The following GRM5 variants were observed in gnomAD, a reference collection of about 807,000 sequenced individuals.
GRM5 encodes metabotropic glutamate receptor 5.
A neutral mutation model predicts 83.1 loss-of-function variants in GRM5; 19 were observed. That is an observed-to-expected ratio of 0.23 (90% CI 0.16 to 0.34). The LOEUF (loss-of-function observed/expected upper bound fraction) is 0.34, where lower values mean the gene tolerates loss of function less well. Ranked by LOEUF, GRM5 falls within the 10% of genes least tolerant of loss-of-function variation. The pLI, the probability that GRM5 is intolerant of heterozygous loss-of-function variation, is 1.00. For synonymous variants in GRM5, 675 were observed against 633.6 expected, an observed-to-expected ratio of 1.07 and a Z score of -0.98; for missense variants, 1,160 against 1,588.3, an observed-to-expected ratio of 0.73 and a Z score of 4.58.
At chr11:89,052,896 A>T (rs1362985246) in intron 1 of GRM5, among the ~76,000 whole-genome samples, 1 of 152,178 alleles carries the variant, frequency 6.6e-6, no homozygotes, top group East Asian at 1.9e-4. Context: ...TTCATTTTAC[A>T]AATGATGTAA....
chr11:88,968,695 C>A (rs1366091307), intron 2 of GRM5, among the ~76,000 whole-genome samples: 4 of 151,890 alleles, frequency 2.6e-5, no homozygotes, highest in Non-Finnish European at 5.9e-5. Context: ...AAAAATAACA[C>A]AAAGTGTTCA....
intron 2 of GRM5, among the ~76,000 whole-genome samples, chr11:88,939,477 AT>A (rs1295324493): frequency 6.6e-6 from 1 of 151,780 alleles, no homozygotes; most frequent in Admixed American, 6.6e-5. Flanking sequence ...TAATGTGTGT[AT>A]TTTAGCTGCA....
intron 4 of GRM5, among the ~76,000 whole-genome samples, chr11:88,626,080 T>C (rs894859628): frequency 3.9e-5 from 6 of 152,168 alleles, no homozygotes; most frequent in South Asian, 4.1e-4. Flanking sequence ...TCTTGGCCAG[T>C]ATTTCCAAAA....
intron 3 of GRM5, among the ~76,000 whole-genome samples, chr11:88,741,252 A>G (rs1218108585): frequency 6.6e-6 from 1 of 152,024 alleles, no homozygotes; most frequent in Non-Finnish European, 1.5e-5. Context: ...AGAGTACAGA[A>G]ATGAAGCAAA....
chr11:88,749,816 C>G (rs1194630174), intron 3 of GRM5, among the ~76,000 whole-genome samples: 2 of 152,064 alleles, frequency 1.3e-5, no homozygotes, highest in Non-Finnish European at 2.9e-5. Context: ...GAAATTCCAA[C>G]CCAGAGTTTC....
In GRM5 at chr11:89,025,494, G is replaced by A. The variant is rs539918946; in HGVS notation, c.661+21718C>T. On this transcript the variant is annotated intron_variant, in intron 2 of 9. Coordinates refer to ENST00000305447, the MANE Select transcript of GRM5 (RefSeq NM_001143831.3). ...AGGAGCATGCAATAATAGGAACTAC[G>A]CAATAACCTGGAAGTGATCTATGCT... Among the ~76,000 whole-genome samples, 17 of 152,248 alleles carry A rather than the reference G, an allele frequency of 1.1e-4. No individual in the cohort carries two copies. The South Asian group carries it at 2.1e-3, about 19-fold the overall frequency.
chr11:88,816,532 C>T (rs1278234388), intron 3 of GRM5, among the ~76,000 whole-genome samples: 1 of 138,136 alleles, frequency 7.2e-6, no homozygotes, highest in Non-Finnish European at 1.5e-5. Context: ...GAGCAAGACT[C>T]CATCTCAAAA....
intron 4 of GRM5, among the ~76,000 whole-genome samples, chr11:88,628,971 G>A (rs1321259986): frequency 1.3e-5 from 2 of 152,094 alleles, no homozygotes; most frequent in Non-Finnish European, 2.9e-5. Flanking sequence ...CCTCTAAGTA[G>A]CACACATCAC....
intron 3 of GRM5, among the ~76,000 whole-genome samples, chr11:88,759,561 A>G (rs1284402351): frequency 2.0e-5 from 3 of 152,156 alleles, no homozygotes; most frequent in Non-Finnish European, 2.9e-5. Context: ...ATACAAGAGC[A>G]CCCTGATTCA....
intron 4 of GRM5, among the ~76,000 whole-genome samples, chr11:88,612,096 T>G (rs1938334382): frequency 6.7e-6 from 1 of 149,168 alleles, no homozygotes. Context: ...TAGGTATATC[T>G]CCCGATGCTA....
chr11:88,743,780 T>C (rs1175031590), intron 3 of GRM5, among the ~76,000 whole-genome samples: 2 of 152,140 alleles, frequency 1.3e-5, no homozygotes. Flanking sequence ...TTTCCACAAG[T>C]AGTCACTAAC....
intron 3 of GRM5, among the ~76,000 whole-genome samples, chr11:88,704,084 A>G (rs1941097404): frequency 6.6e-6 from 1 of 152,030 alleles, no homozygotes; most frequent in African/African-American, 2.4e-5. Context: ...TTTGTGGTGC[A>G]TGCATATGGA....
chr11:88,618,455 G>A lies in GRM5; in HGVS notation c.1148-13491C>T, dbSNP rs1451060917. Among the ~76,000 whole-genome samples, 3 of 152,130 alleles carry A rather than the reference G, an allele frequency of 2.0e-5. No individual in the cohort carries two copies. The East Asian group carries it at 5.8e-4, about 29-fold the overall frequency. On this transcript the variant is annotated intron_variant, in intron 4 of 9. Transcript: ENST00000305447. The stretch of plus-strand genomic sequence containing the variant: ...TTTTTCTTGCTGCTTTGGCCCTAGA[G>A]AGAAACTCTGGCTCATTAAATAATT...
intron 5 of GRM5, among the ~76,000 whole-genome samples, chr11:88,603,522 T>C (rs1938057494): frequency 6.6e-6 from 1 of 152,234 alleles, no homozygotes; most frequent in African/African-American, 2.4e-5. Flanking sequence ...TGCTTGTATT[T>C]TTTTCCTTCA....
intron 4 of GRM5, among the ~76,000 whole-genome samples, chr11:88,619,891 A>G (rs1189270843): frequency 6.6e-6 from 1 of 152,150 alleles, no homozygotes; most frequent in Non-Finnish European, 1.5e-5. Flanking sequence ...ACACCACTGG[A>G]TAACATACTA....
At chr11:88,608,458 G>T (rs765994835) in intron 4 of GRM5, among the ~76,000 whole-genome samples, 1 of 149,322 alleles carries the variant, frequency 6.7e-6, no homozygotes, top group Admixed American at 6.7e-5. Context: ...TTATTATCTT[G>T]CTTATTGGCT....
intron 2 of GRM5, among the ~76,000 whole-genome samples, chr11:89,013,527 C>T (rs1212055315): frequency 2.0e-5 from 3 of 152,236 alleles, no homozygotes; most frequent in East Asian, 1.9e-4. Context: ...CAAATTCAGG[C>T]GTCAAGCCTC....
chr11:88,632,823 C>T (rs1939013032), intron 4 of GRM5, among the ~76,000 whole-genome samples: 1 of 152,116 alleles, frequency 6.6e-6, no homozygotes. Context: ...ATATTTGTTC[C>T]TCAACATTCT....
intron 2 of GRM5, among the ~76,000 whole-genome samples, chr11:88,917,243 G>T (rs1189044058): frequency 1.3e-5 from 2 of 152,184 alleles, no homozygotes; most frequent in African/African-American, 4.8e-5. Context: ...CACCAAGGTG[G>T]CACCTGTATG....
Sources: allele counts gnomAD v4.1 joint callset (sites outside exome capture counted in the v4.1 genomes callset), GRCh38; gene constraint gnomAD v4.1.1; transcripts MANE v1.5; gene names NCBI Gene and HGNC (gene_info 2026-07-23, HGNC 2026-07-21).